Variants in NRG4 observed in about 807,000 individuals in gnomAD.
NRG4 encodes pro-neuregulin-4, membrane-bound isoform.
A neutral mutation model predicts 15.0 loss-of-function variants in NRG4; 10 were observed. That is an observed-to-expected ratio of 0.67 (90% CI 0.41 to 1.13). The LOEUF is 1.13. NRG4 is among the 50% of genes most tolerant of loss of function. The pLI is 0.00. For synonymous variants in NRG4, 41 were observed against 50.1 expected, an observed-to-expected ratio of 0.82 and a Z score of 0.77; for missense variants, 139 against 140.2, an observed-to-expected ratio of 0.99 and a Z score of 0.04.
intron 4 of NRG4, among the ~76,000 whole-genome samples, chr15:76,043,020 T>A (rs894519885): frequency 6.6e-6 from 1 of 152,162 alleles, no homozygotes; most frequent in African/African-American, 2.4e-5. Context: ...ATCAATGTGA[T>A]ACATCATATC....
intron 3 of NRG4, among the ~76,000 whole-genome samples, chr15:75,983,034 A>C (rs2033662905): frequency 6.6e-6 from 1 of 152,340 alleles, no homozygotes. Context: ...AGCATTTAGA[A>C]TATCCATAAT....
At chr15:76,018,638 T>C (rs1381946760) in intron 5 of NRG4, among the ~76,000 whole-genome samples, 3 of 152,222 alleles carry the variant, frequency 2.0e-5, no homozygotes, top group Admixed American at 1.3e-4. Flanking sequence ...ACCCTGTTTG[T>C]CTGGGTATCA....
chr15:76,049,805 A>G (rs2035954486), intron 4 of NRG4, among the ~76,000 whole-genome samples: 1 of 150,684 alleles, frequency 6.6e-6, no homozygotes, highest in Non-Finnish European at 1.5e-5. Context: ...TCGGGGAACT[A>G]TTCTTAACAA....
At chr15:76,036,580 A>T (rs542540464) in intron 4 of NRG4, among the ~76,000 whole-genome samples, 3 of 152,330 alleles carry the variant, frequency 2.0e-5, no homozygotes, top group Non-Finnish European at 4.4e-5. Context: ...GAGAAAAATC[A>T]TTGTGTCTAC....
chr15:76,055,057 ATCAC>A (rs2036121453), intron 2 of NRG4, among the ~76,000 whole-genome samples: 3 of 152,156 alleles, frequency 2.0e-5, no homozygotes, highest in African/African-American at 7.2e-5. Flanking sequence ...AGGTGGGTAG[ATCAC>A]TTGAAGTCAG....
intron 5 of NRG4, among the ~76,000 whole-genome samples, chr15:76,022,780 G>C (rs968408251): frequency 6.6e-6 from 1 of 152,106 alleles, no homozygotes; most frequent in Non-Finnish European, 1.5e-5. Flanking sequence ...TTTTAGCAAG[G>C]GAGTGACATG....
Position 76,041,282 on chromosome 15 carries a change from T to C in NRG4, c.-104-5291A>G, listed in dbSNP as rs1596055205. Among the ~76,000 whole-genome samples, 5 of 151,066 alleles carry C rather than the reference T, an allele frequency of 3.3e-5. No homozygotes were observed. In the South Asian group the frequency reaches 8.4e-4, roughly 25 times the overall value. On this transcript the variant is annotated intron_variant, in intron 4 of 8. Coordinates refer to the NRG4 transcript ENST00000563910. ...GACCATAAAACAACCAGAAAACAAA[T>C]AAAACGGCAAGAGTAAGTCCTTGCC...
intron 3 of NRG4, among the ~76,000 whole-genome samples, chr15:75,984,752 G>A (rs1057032245): frequency 2.0e-5 from 3 of 152,080 alleles, no homozygotes; most frequent in African/African-American, 4.8e-5. Context: ...AAACCTGCAT[G>A]TTCTGTACAT....
Position 76,009,279 on chromosome 15 carries a change from A to G in NRG4, c.25T>C (p.Cys9Arg). The G allele has an allele frequency of 6.3e-7, 1 of 1,583,228 alleles. No individual in the cohort carries two copies. Among genetic ancestry groups the G allele is most frequent in the Non-Finnish European group, 8.6e-7 (1 of 1,159,486 alleles). The change falls in exon 3 of 6, where the codon TGT becomes CGT. Residue 9 changes from cysteine (C) to arginine (R), a missense_variant. By Grantham distance (180) the Cys-to-Arg change is radical (BLOSUM62 -3). Coordinates refer to ENST00000394907, the MANE Select transcript of NRG4 (RefSeq NM_138573.4). MPTDHEEP[C>R]GPSHKSFCLN... Reference sequence around the variant, plus strand: ...CAAAACGACTTGTGACTGGGACCACAGGGCTCTTCGTGATCTAGAACACAT... The same window carrying G: ...CAAAACGACTTGTGACTGGGACCACGGGGCTCTTCGTGATCTAGAACACAT...
chr15:76,051,062 G>A (rs2035998341), intron 4 of NRG4, among the ~76,000 whole-genome samples: 1 of 148,278 alleles, frequency 6.7e-6, no homozygotes. Context: ...CTGGAGTGCA[G>A]TGGCGGGATC....
At chr15:76,015,519 C>T (rs188488218), upstream of NRG4, among the ~76,000 whole-genome samples, 1 of 152,180 alleles carries the variant, frequency 6.6e-6, no homozygotes, top group East Asian at 1.9e-4. Flanking sequence ...TGCATTCCAT[C>T]GATACCTAGT....
At chr15:75,980,955 A>C (rs770505107) in intron 3 of NRG4, among the ~76,000 whole-genome samples, 12 of 152,212 alleles carry the variant, frequency 7.9e-5, no homozygotes, top group Non-Finnish European at 1.5e-4. Context: ...GAAACAGAAA[A>C]AGAGAATGAA....
chr15:76,011,179 G>T, intron 2 of NRG4, 42 bp downstream of exon 2: 1 of 1,352,048 alleles, frequency 7.4e-7, no homozygotes, highest in South Asian at 2.0e-5. Flanking sequence ...CTATTGCTAT[G>T]GACACATATT....
chr15:76,036,626 G>A (rs2035602858), intron 4 of NRG4, among the ~76,000 whole-genome samples: 1 of 152,056 alleles, frequency 6.6e-6, no homozygotes, highest in South Asian at 2.1e-4. Flanking sequence ...AGTTAGAAGG[G>A]GACATAATGA....
intron 3 of NRG4, among the ~76,000 whole-genome samples, chr15:76,006,791 A>G (rs1014324418): frequency 6.6e-6 from 1 of 152,144 alleles, no homozygotes; most frequent in Non-Finnish European, 1.5e-5. Context: ...TACACTAAAA[A>G]CGCATCTATC....
At chr15:76,057,970 G>A (rs1483890377) in intron 1 of NRG4, among the ~76,000 whole-genome samples, 1 of 151,792 alleles carries the variant, frequency 6.6e-6, no homozygotes, top group Non-Finnish European at 1.5e-5. Flanking sequence ...GAAATTTGAA[G>A]TGGTCTTCAA....
At chr15:75,950,971 TAAG>T in intron 5 of NRG4, 1 of 185,110 alleles carries the variant, frequency 5.4e-6, no homozygotes, top group Non-Finnish European at 1.2e-5. Flanking sequence ...CTTGTAATGC[TAAG>T]AATTTTTAAA....
intron 3 of NRG4, chr15:75,971,224 C>T (rs560078169): frequency 6.6e-6 from 3 of 455,638 alleles, no homozygotes; most frequent in African/African-American, 4.0e-5. Flanking sequence ...TCTATTGGTT[C>T]CCTCATTAAT....
intron 3 of NRG4, among the ~76,000 whole-genome samples, chr15:75,979,569 C>T (rs754798347): frequency 9.9e-5 from 15 of 152,216 alleles, no homozygotes; most frequent in Middle Eastern, 3.4e-3. Flanking sequence ...GGTTACATTT[C>T]CAGCTTTAAT....
Sources: allele counts gnomAD v4.1 joint callset (sites outside exome capture counted in the v4.1 genomes callset), GRCh38; gene constraint gnomAD v4.1.1; transcripts MANE v1.5; gene names NCBI Gene and HGNC (gene_info 2026-07-23, HGNC 2026-07-21).